AFG3L2: variants seen among roughly 807,000 people sequenced by gnomAD.
AFG3L2 encodes the protein mitochondrial inner membrane m-AAA protease component AFG3L2.
A neutral mutation model predicts 94.5 loss-of-function variants in AFG3L2; 54 were observed. The observed-to-expected ratio is 0.57, with a 90% CI of 0.46 to 0.72. AFG3L2 has a LOEUF of 0.72. Ranked by LOEUF, AFG3L2 falls within the 30% of genes least tolerant of loss-of-function variation. AFG3L2 has a pLI of 0.00. For synonymous variants in AFG3L2, 377 were observed against 365.5 expected, an observed-to-expected ratio of 1.03 and a Z score of -0.36; for missense variants, 754 against 994.9, an observed-to-expected ratio of 0.76 and a Z score of 3.26.
chr18:12,339,935 A>G (rs577023164), intron 15 of AFG3L2, among the ~76,000 whole-genome samples: 66 of 148,012 alleles, frequency 4.5e-4, no homozygotes, highest in Non-Finnish European at 8.0e-4. Context: ...CAGGACAATC[A>G]CTTGAACCCA....
intron 3 of AFG3L2, among the ~76,000 whole-genome samples, chr18:12,368,860 CA>C (rs1908889699): frequency 6.6e-6 from 1 of 152,256 alleles, no homozygotes; most frequent in East Asian, 1.9e-4. Flanking sequence ...TTCGGCCTCC[CA>C]AAGTGCTGGG....
chr18:12,361,401 C>T (rs1908656552), intron 6 of AFG3L2, among the ~76,000 whole-genome samples: 1 of 152,156 alleles, frequency 6.6e-6, no homozygotes, highest in Non-Finnish European at 1.5e-5. Context: ...GTAATTCCAA[C>T]ACTTTGGGAG....
rs1265190199 is a variant in AFG3L2, at chr18:12,355,204, A to C, written c.1164+1490T>G. On this transcript the variant is annotated intron_variant, in intron 9 of 16. Coordinates refer to ENST00000269143, the MANE Select transcript of AFG3L2 (RefSeq NM_006796.3). ...ACAGAGCAAGACTCCATCTCAAAAA[A>C]AATTAAAAAAAAAAAAAAAGAACTC... is the stretch of plus-strand genomic sequence containing the variant. 3.6e-5 allele frequency among the ~76,000 whole-genome samples: 3 copies of C among 83,560 alleles called. No individual in the cohort carries two copies. In the East Asian group the frequency reaches 9.1e-4, roughly 25 times the overall value. The allele number at this position is 83,560 out of a possible 152,430, so 54.8% of individuals were successfully genotyped here.
intron 15 of AFG3L2, among the ~76,000 whole-genome samples, chr18:12,339,350 C>T (rs1324955595): frequency 1.3e-5 from 2 of 149,408 alleles, no homozygotes; most frequent in African/African-American, 2.5e-5. Context: ...GTCAGGAGTT[C>T]AAGACCAGCC....
At chr18:12,355,968 G>A (rs1908481147) in intron 9 of AFG3L2, among the ~76,000 whole-genome samples, 1 of 151,940 alleles carries the variant, frequency 6.6e-6, no homozygotes, top group Admixed American at 6.6e-5. Flanking sequence ...CACCACGCCC[G>A]GCCACGATTT....
chr18:12,333,216 C>T (rs1195429963), intron 16 of AFG3L2, among the ~76,000 whole-genome samples: 4 of 106,882 alleles, frequency 3.7e-5, no homozygotes, highest in Non-Finnish European at 7.2e-5. Context: ...AATATATAAT[C>T]TATTATATAA....
intron 3 of AFG3L2, among the ~76,000 whole-genome samples, chr18:12,367,727 A>ACTG (rs1361971968): frequency 6.6e-6 from 1 of 152,206 alleles, no homozygotes; most frequent in Admixed American, 6.5e-5. Context: ...CAGAGTTGGG[A>ACTG]TGCAAATTCC....
At chr18:12,335,540 T>G (rs1428233694) in intron 16 of AFG3L2, among the ~76,000 whole-genome samples, 1 of 152,166 alleles carries the variant, frequency 6.6e-6, no homozygotes, top group Non-Finnish European at 1.5e-5. Flanking sequence ...CCCCTGTAAC[T>G]GGTGTTTCTT....
intron 13 of AFG3L2, among the ~76,000 whole-genome samples, chr18:12,345,208 G>A (rs1431382772): frequency 6.6e-6 from 1 of 152,202 alleles, no homozygotes; most frequent in East Asian, 1.9e-4. Context: ...AAACCCCAGC[G>A]ACACAGGGCC....
Position 12,377,078 on chromosome 18 carries a change from G to A in AFG3L2, c.5C>T (p.Ala2Val). The A allele has an allele frequency of 7.1e-7, 1 of 1,418,090 alleles. No homozygotes were observed. 87.8% of individuals were successfully genotyped at this position (1,418,090 alleles called of 1,614,324 possible). ...GCCCCACAGCCGCAAACAGCGGTGC[G>A]CCATGGCCGCCGCCGTGGCCCTCTC... M[A>V]HRCLRLWGRG... Residue 2 changes from alanine (A) to valine (V), a missense_variant, in exon 1 of 17, where the codon GCG (alanine) becomes GTG (valine). This residue lies in a region of AFG3L2 where 236 missense variants were observed against 214.0 expected (regional missense o/e 1.10). Coordinates refer to ENST00000269143, the MANE Select transcript of AFG3L2 (RefSeq NM_006796.3).
At chr18:12,332,142 G>A (rs1042831631) in intron 16 of AFG3L2, among the ~76,000 whole-genome samples, 1 of 39,896 alleles carries the variant, frequency 2.5e-5, no homozygotes, top group African/African-American at 9.0e-5. Context: ...TTTTTTTTTT[G>A]AGACAGAGTC....
Position 12,374,783 on chromosome 18 carries a change from G to A in AFG3L2, c.114+2186C>T, listed in dbSNP as rs183385741. Among the ~76,000 whole-genome samples, 358 of 152,268 alleles carry A rather than the reference G, an allele frequency of 2.4e-3. 1 individual carries two copies. The highest frequency in any genetic ancestry group is 4.4e-3 in the South Asian group (21 of 4,816). On this transcript the variant is annotated intron_variant, in intron 1 of 16. Transcript: ENST00000269143. ...GCAGCAAAAGAAAAGCAGTCAGGCCGGGCAAGGTGGCTCACGTCTGTAATA... is the reference window on the plus strand; with the variant it reads ...GCAGCAAAAGAAAAGCAGTCAGGCCAGGCAAGGTGGCTCACGTCTGTAATA...
intron 13 of AFG3L2, among the ~76,000 whole-genome samples, chr18:12,346,196 A>G (rs1908130048): frequency 6.6e-6 from 1 of 152,126 alleles, no homozygotes; most frequent in South Asian, 2.1e-4. Flanking sequence ...GTACACCATG[A>G]GCACGGGTGA....
At chr18:12,336,273 A>G (rs1424988729) in intron 16 of AFG3L2, among the ~76,000 whole-genome samples, 2 of 152,234 alleles carry the variant, frequency 1.3e-5, no homozygotes, top group East Asian at 3.8e-4. Flanking sequence ...CCTACAGATA[A>G]CATCTACTGT....
At chr18:12,356,926 A>G in intron 8 of AFG3L2, 95 bp from the exon 9 acceptor site, 1 of 1,226,386 alleles carries the variant, frequency 8.2e-7, no homozygotes, top group South Asian at 1.3e-5. Context: ...TCTGTCTCTA[A>G]ATCTTATTGA....
intron 5 of AFG3L2, among the ~76,000 whole-genome samples, chr18:12,364,743 G>A (rs1449178231): frequency 6.6e-6 from 1 of 152,042 alleles, no homozygotes; most frequent in Non-Finnish European, 1.5e-5. Context: ...ATAGCTCACT[G>A]CAGCCTCAAC....
chr18:12,371,561 T>G, intron 2 of AFG3L2, 31 bp downstream of exon 2: 1 of 1,589,426 alleles, frequency 6.3e-7, no homozygotes, highest in Non-Finnish European at 8.6e-7. Context: ...CCTAAGAATG[T>G]AGAACACTAC....
chr18:12,338,045 C>T (rs533450166), intron 15 of AFG3L2, among the ~76,000 whole-genome samples: 2 of 152,250 alleles, frequency 1.3e-5, no homozygotes, highest in South Asian at 2.1e-4. Flanking sequence ...GCTGGGATTA[C>T]GGGCATGAGC....
intron 6 of AFG3L2, among the ~76,000 whole-genome samples, chr18:12,360,521 C>T (rs1831475378): frequency 6.6e-6 from 1 of 152,094 alleles, no homozygotes; most frequent in East Asian, 1.9e-4. Flanking sequence ...TCCTGAGGAC[C>T]ATCCTAAGAA....
Sources: allele counts gnomAD v4.1 joint callset (sites outside exome capture counted in the v4.1 genomes callset), GRCh38; gene constraint gnomAD v4.1.1; regional missense constraint gnomAD v4.1.1; transcripts MANE v1.5; gene names NCBI Gene and HGNC (gene_info 2026-07-23, HGNC 2026-07-21).